The following PRKCH variants were observed in gnomAD, a reference collection of about 807,000 sequenced individuals.
The protein encoded by PRKCH is protein kinase C eta type.
A neutral mutation model predicts 82.5 loss-of-function variants in PRKCH; 28 were observed. The observed-to-expected ratio is 0.34, with a 90% CI of 0.25 to 0.47. The LOEUF (loss-of-function observed/expected upper bound fraction) is 0.47, where lower values mean the gene tolerates loss of function less well. Ranked by LOEUF, PRKCH falls within the 20% of genes least tolerant of loss-of-function variation. PRKCH has a pLI of 1.00. For missense variants in PRKCH, 705 were observed against 881.8 expected, an observed-to-expected ratio of 0.80 and a Z score of 2.54; for synonymous variants, 322 against 327.4, an observed-to-expected ratio of 0.98 and a Z score of 0.18.
chr14:61,497,074 A>G (rs1886700278), intron 10 of PRKCH, among the ~76,000 whole-genome samples: 1 of 152,186 alleles, frequency 6.6e-6, no homozygotes, highest in Non-Finnish European at 1.5e-5. Context: ...TGATGCATTT[A>G]TATCCTCATA....
Position 61,246,245 on chromosome 14 carries a change from G to GAAA in PRKCH, c.-19+58591_-19+58593dup, listed in dbSNP as rs59852160. Among the ~76,000 whole-genome samples, 49 of 125,982 alleles carry GAAA rather than the reference G, an allele frequency of 3.9e-4. 2 individuals are homozygous for GAAA. The highest frequency in any genetic ancestry group is 1.4e-3 in the Admixed American group (18 of 12,688). 82.6% of individuals were successfully genotyped at this position (125,982 alleles called of 152,430 possible). ...ACATGGCAAAACCCCATCTCTACTG[G>GAAA]AAAAAAAAAAAAAAAAGCCAGGTGT... is the stretch of plus-strand genomic sequence containing the variant. On this transcript the variant is annotated intron_variant, in intron 1 of 3. Coordinates refer to the PRKCH transcript ENST00000555185.
chr14:61,379,820 G>A (rs1594641074), intron 1 of PRKCH, among the ~76,000 whole-genome samples: 1 of 152,180 alleles, frequency 6.6e-6, no homozygotes, highest in East Asian at 1.9e-4. Context: ...TCCTAGTAAG[G>A]AGAACGTATG....
chr14:61,282,278 T>A (rs1594890191), intron 1 of PRKCH, among the ~76,000 whole-genome samples: 1 of 152,010 alleles, frequency 6.6e-6, no homozygotes. Context: ...GGCTTTTTTT[T>A]TTTTTTTTTT....
At chr14:61,222,570 T>C (rs115011408) in intron 1 of PRKCH, among the ~76,000 whole-genome samples, 1,690 of 152,360 alleles carry the variant, frequency 0.011, 22 homozygotes, top group African/African-American at 0.039. Context: ...CTCCTGAGAA[T>C]TGTGTGTTCA....
chr14:61,395,426 A>T (rs766749749), intron 2 of PRKCH, among the ~76,000 whole-genome samples: 37 of 152,050 alleles, frequency 2.4e-4, no homozygotes, highest in Non-Finnish European at 4.9e-4. Flanking sequence ...TGGCTGGTGC[A>T]ACATTTGGAG....
In PRKCH at chr14:61,322,399, A is replaced by G. The variant is rs1254496460; in HGVS notation, c.298A>G (p.Asn100Asp). Reference sequence around the variant, plus strand: ...CCTGGGCTACGACCACTTCGTGGCCAACTGCACCCTGCAGTTCCAGGAGCT... The same window carrying G: ...CCTGGGCTACGACCACTTCGTGGCCGACTGCACCCTGCAGTTCCAGGAGCT... ...TPLGYDHFVA[N>D]CTLQFQELLR... is the part of the protein sequence containing the mutation. Residue 100 changes from asparagine to aspartate, a missense_variant, in exon 1 of 14, where the codon AAC becomes GAC. Transcript: ENST00000332981. 5 of 1,610,798 alleles carry G rather than the reference A, an allele frequency of 3.1e-6. No homozygotes were observed. Among genetic ancestry groups the G allele is most frequent in the Middle Eastern group, 1.7e-4 (1 of 6,054 alleles).
At chr14:61,365,827 A>G (rs1463844906) in intron 1 of PRKCH, among the ~76,000 whole-genome samples, 1 of 152,112 alleles carries the variant, frequency 6.6e-6, no homozygotes, top group Non-Finnish European at 1.5e-5. Flanking sequence ...CTAATCATGC[A>G]GGGTTTAAAT....
At chr14:61,271,093 G>A (rs1349254039) in intron 1 of PRKCH, among the ~76,000 whole-genome samples, 2 of 152,178 alleles carry the variant, frequency 1.3e-5, no homozygotes, top group Non-Finnish European at 2.9e-5. Flanking sequence ...GCTGAAGAGT[G>A]TATACAATGT....
chr14:61,455,227 A>T lies in PRKCH; in HGVS notation c.960+1874A>T, dbSNP rs1884708005. 2.0e-5 allele frequency among the ~76,000 whole-genome samples: 3 copies of T among 146,390 alleles called. No homozygotes were observed. In the South Asian group the frequency reaches 6.6e-4, roughly 32 times the overall value. ...TGTATTTTTTTTTTTTTTAGTAGAG[A>T]TGGGGGGTTTCAACGTGTTACCCAG... On this transcript the variant is annotated intron_variant, in intron 7 of 13. Coordinates refer to ENST00000332981, the MANE Select transcript of PRKCH (RefSeq NM_006255.5).
chr14:61,325,116 G>A (rs2045676850), intron 1 of PRKCH, among the ~76,000 whole-genome samples: 1 of 152,184 alleles, frequency 6.6e-6, no homozygotes, highest in African/African-American at 2.4e-5. Context: ...TTGACAGACT[G>A]ACTTTAAAAT....
At chr14:61,227,677 C>G (rs2044708188) in intron 1 of PRKCH, among the ~76,000 whole-genome samples, 3 of 152,034 alleles carry the variant, frequency 2.0e-5, no homozygotes, top group Admixed American at 2.0e-4. Context: ...CATAGGAATG[C>G]CTGGCATATA....
intron 1 of PRKCH, among the ~76,000 whole-genome samples, chr14:61,301,288 C>CATT (rs1472835512): frequency 6.6e-6 from 1 of 152,128 alleles, no homozygotes; most frequent in Admixed American, 6.5e-5. Flanking sequence ...TCAGTACAGT[C>CATT]ATTATTATCA....
At chr14:61,448,500 G>T (rs1320050678) in intron 4 of PRKCH, among the ~76,000 whole-genome samples, 1 of 152,210 alleles carries the variant, frequency 6.6e-6, no homozygotes, top group Non-Finnish European at 1.5e-5. Flanking sequence ...TACAAGGCTG[G>T]GTGGAAGGTT....
intron 10 of PRKCH, among the ~76,000 whole-genome samples, chr14:61,496,062 T>G (rs1214225966): frequency 6.6e-6 from 1 of 151,440 alleles, no homozygotes; most frequent in East Asian, 1.9e-4. Context: ...GGAGGGAGAG[T>G]GCGCAGTGGG....
chr14:61,549,628 G>C (rs2043301338), intron 13 of PRKCH, 57 bp from the exon 14 acceptor site: 4 of 1,588,380 alleles, frequency 2.5e-6, no homozygotes, highest in East Asian at 4.5e-5. Context: ...TCCCATGCAA[G>C]ATGAGTAAGC....
intron 1 of PRKCH, among the ~76,000 whole-genome samples, chr14:61,356,896 T>C (rs938005358): frequency 6.6e-6 from 1 of 152,096 alleles, no homozygotes; most frequent in Admixed American, 6.6e-5. Context: ...TGGCCAGGCT[T>C]GTCTCGAACT....
At chr14:61,202,776 T>C (rs1170737456) in intron 1 of PRKCH, among the ~76,000 whole-genome samples, 1 of 152,220 alleles carries the variant, frequency 6.6e-6, no homozygotes. Context: ...AGTTCCTATA[T>C]ACTTATCCTC....
chr14:61,236,710 CA>C lies in PRKCH; in HGVS notation c.-19+49063del, dbSNP rs35185475. On this transcript the variant is annotated intron_variant, in intron 1 of 3. Coordinates refer to the PRKCH transcript ENST00000555185. ...CGACAGAGAAGACCCTGTCTCAAAA[CA>C]AAAAAAAAAAAAAAAAAAAAGAAAA... Among the ~76,000 whole-genome samples, 418 of 87,670 alleles carry C rather than the reference CA, an allele frequency of 4.8e-3. 2 individuals carry two copies. The highest frequency in any genetic ancestry group is 6.6e-3 in the Non-Finnish European group (333 of 50,318). 57.5% of individuals were successfully genotyped at this position (87,670 alleles called of 152,430 possible).
intron 2 of PRKCH, among the ~76,000 whole-genome samples, chr14:61,437,728 G>T (rs1358362654): frequency 2.0e-5 from 3 of 152,078 alleles, no homozygotes; most frequent in South Asian, 2.1e-4. Context: ...GTGTCTCGGG[G>T]TACATTAACT....
Sources: allele counts gnomAD v4.1 joint callset (sites outside exome capture counted in the v4.1 genomes callset), GRCh38; gene constraint gnomAD v4.1.1; transcripts MANE v1.5; gene names NCBI Gene and HGNC (gene_info 2026-07-23, HGNC 2026-07-21).